The following EXOC4 variants were observed in gnomAD, a reference collection of about 807,000 sequenced individuals.
EXOC4 encodes SEC8-like 1.
EXOC4 carries 71 observed loss-of-function variants against 107.2 expected under a neutral mutation model. That is an observed-to-expected ratio of 0.66 (90% confidence interval 0.55 to 0.81). The LOEUF (loss-of-function observed/expected upper bound fraction) is 0.81, where lower values mean the gene tolerates loss of function less well. EXOC4 is among the 30% of genes least tolerant of loss of function. EXOC4 has a pLI of 0.00. For missense variants in EXOC4, 1,108 were observed against 1,189.6 expected (o/e 0.93, Z 1.01); for synonymous variants, 456 against 441.2 (o/e 1.03, Z -0.42).
intron 10 of EXOC4, among the ~76,000 whole-genome samples, chr7:133,735,257 A>C (rs898166273): frequency 2.1e-5 from 3 of 141,532 alleles, no homozygotes; most frequent in African/African-American, 7.6e-5. Flanking sequence ...AAAAAAGTTA[A>C]AGTACGGTTT....
At chr7:133,527,274 G>A (rs989421653) in intron 9 of EXOC4, among the ~76,000 whole-genome samples, 3 of 149,752 alleles carry the variant, frequency 2.0e-5, no homozygotes, top group Non-Finnish European at 4.5e-5. Context: ...CATGGTGATG[G>A]GTGCCTGTAA....
chr7:134,000,309 G>C (rs1016054754), intron 15 of EXOC4, among the ~76,000 whole-genome samples: 2 of 152,112 alleles, frequency 1.3e-5, no homozygotes, highest in Admixed American at 1.3e-4. Context: ...AAATGAAAAA[G>C]ACAGATTTCA....
chr7:133,512,402 C>T (rs1278020072), intron 9 of EXOC4, among the ~76,000 whole-genome samples: 2 of 151,462 alleles, frequency 1.3e-5, no homozygotes, highest in Admixed American at 6.6e-5. Context: ...GCACTCCAGC[C>T]TGGGCGATAG....
chr7:133,295,300 A>C (rs941710495), intron 3 of EXOC4, among the ~76,000 whole-genome samples: 34 of 152,080 alleles, frequency 2.2e-4, no homozygotes, highest in Admixed American at 6.6e-4. Flanking sequence ...TTTTCTCAGA[A>C]AGCAATTCTA....
At chr7:133,925,931 C>T (rs1371829845) in intron 13 of EXOC4, among the ~76,000 whole-genome samples, 2 of 150,706 alleles carry the variant, frequency 1.3e-5, no homozygotes, top group African/African-American at 4.9e-5. Context: ...CCCAGCTACT[C>T]AGGAGGCTGA....
At chr7:133,914,377 C>G (rs1585244457) in intron 12 of EXOC4, among the ~76,000 whole-genome samples, 1 of 152,226 alleles carries the variant, frequency 6.6e-6, no homozygotes, top group Middle Eastern at 3.4e-3. Context: ...TAGAGGCTAG[C>G]ATCTTGACAT....
chr7:133,917,769 A>G, intron 13 of EXOC4, 31 bp downstream of exon 13: 1 of 1,600,884 alleles, frequency 6.2e-7, no homozygotes, highest in Non-Finnish European at 8.5e-7. Flanking sequence ...GTTGTCCTAA[A>G]CATAGGGAGG....
intron 7 of EXOC4, among the ~76,000 whole-genome samples, chr7:133,448,891 G>T (rs1485407099): frequency 6.6e-6 from 1 of 152,088 alleles, no homozygotes; most frequent in East Asian, 1.9e-4. Flanking sequence ...GATCACTTGA[G>T]GTCAAGAGTT....
intron 10 of EXOC4, among the ~76,000 whole-genome samples, chr7:133,755,300 T>TACATA (rs1795889445): frequency 8.3e-6 from 1 of 120,470 alleles, no homozygotes; most frequent in Non-Finnish European, 1.7e-5. Flanking sequence ...ATATTATATA[T>TACATA]ATTATATATA....
intron 3 of EXOC4, among the ~76,000 whole-genome samples, chr7:133,290,496 A>G (rs914034086): frequency 6.6e-6 from 1 of 152,218 alleles, no homozygotes; most frequent in African/African-American, 2.4e-5. Context: ...CTCAAGATTC[A>G]GCAATCAGAA....
intron 10 of EXOC4, among the ~76,000 whole-genome samples, chr7:133,787,272 T>C (rs901943352): frequency 1.3e-5 from 2 of 149,618 alleles, no homozygotes; most frequent in African/African-American, 2.5e-5. Context: ...GCTGAAGTGA[T>C]CCTCCCACCT....
intron 9 of EXOC4, chr7:133,551,822 C>A (rs1430668423): frequency 6.6e-6 from 1 of 151,900 alleles, no homozygotes; most frequent in Non-Finnish European, 1.5e-5. Context: ...GGATGAGTTA[C>A]TGTTATTACA....
Position 133,253,131 on chromosome 7 carries a change from C to CAG in EXOC4, c.32_33dup (p.Ser12GlufsTer17). 1 of 1,614,206 alleles carries CAG rather than the reference C, an allele frequency of 6.2e-7. No individual in the cohort carries two copies. The highest frequency in any genetic ancestry group is 8.5e-7 in the Non-Finnish European group (1 of 1,180,024). On this transcript the variant is annotated frameshift_variant, in exon 1 of 18. Transcript: ENST00000253861. LOFTEE classifies it high-confidence loss of function. ...CGGCAGAAGCAGCTGGTGGGAAATA[C>CAG]AGAAGCACAGTCAGCAAAAGCAAAG...
chr7:133,861,687 C>T (rs1204585965), intron 11 of EXOC4, among the ~76,000 whole-genome samples: 2 of 152,162 alleles, frequency 1.3e-5, no homozygotes, highest in African/African-American at 4.8e-5. Flanking sequence ...GAGCCCGCCA[C>T]CATGCCTGGC....
chr7:133,767,118 T>C (rs1796154634), intron 10 of EXOC4, among the ~76,000 whole-genome samples: 1 of 151,938 alleles, frequency 6.6e-6, no homozygotes, highest in Non-Finnish European at 1.5e-5. Context: ...GGTTTTTTTT[T>C]CCTTCAATTT....
chr7:134,082,297 G>A, the EXOC4 span, among the ~76,000 whole-genome samples: 313 of 152,252 alleles, frequency 2.1e-3, no homozygotes, highest in Middle Eastern at 0.01. Flanking sequence ...TTTTATATAG[G>A]GTAACTTCCT....
intron 5 of EXOC4, among the ~76,000 whole-genome samples, chr7:133,354,431 C>T (rs1795979992): frequency 2.0e-5 from 3 of 152,136 alleles, no homozygotes; most frequent in Admixed American, 2.0e-4. Context: ...CATGGGCATG[C>T]ACAGTCACCT....
In EXOC4 at chr7:133,317,361, C is replaced by T. The variant is rs771866368; in HGVS notation, c.734C>T (p.Ser245Phe). 1.2e-6 allele frequency: 2 copies of T among 1,610,736 alleles called. No individual in the cohort carries two copies. Reference protein sequence around the residue: ...LPTPRKFLDTSHYSTAGSSSV... With the variant: ...LPTPRKFLDTFHYSTAGSSSV... ...ACTCCTCGAAAATTCCTTGATACCT[C>T]TCACTATTCTACTGCTGGAAGCTCA... The change falls in exon 5 of 18, where the codon TCT becomes TTT. Residue 245 changes from serine (S) to phenylalanine (F), a missense_variant. By Grantham distance (155) the Ser-to-Phe change is radical (BLOSUM62 -2). Transcript: ENST00000253861.
chr7:134,085,741 T>C, the EXOC4 span, among the ~76,000 whole-genome samples: 1 of 152,170 alleles, frequency 6.6e-6, no homozygotes, highest in Non-Finnish European at 1.5e-5. Context: ...CCTAGGGTGT[T>C]TGTCAAAAAC....
Sources: allele counts gnomAD v4.1 joint callset (sites outside exome capture counted in the v4.1 genomes callset), GRCh38; gene constraint gnomAD v4.1.1; transcripts MANE v1.5; gene names NCBI Gene and HGNC (gene_info 2026-07-23, HGNC 2026-07-21).